ENO4: variants seen among roughly 807,000 people sequenced by gnomAD.
The protein encoded by ENO4 is enolase 4.
ENO4 carries 53 observed loss-of-function variants against 63.2 expected under a neutral mutation model. That is an observed-to-expected ratio of 0.84 (90% CI 0.67 to 1.05). The LOEUF (loss-of-function observed/expected upper bound fraction) is 1.05, where lower values mean the gene tolerates loss of function less well. Among genes scored for constraint, ENO4 ranks in the 50% least tolerant of loss-of-function variants. The pLI is 0.00. For missense variants in ENO4, 719 were observed against 772.0 expected (o/e 0.93, Z 0.81); for synonymous variants, 266 against 283.8 (o/e 0.94, Z 0.63).
chr10:116,878,797 G>C (rs895324343), intron 11 of ENO4, among the ~76,000 whole-genome samples: 2 of 142,054 alleles, frequency 1.4e-5, no homozygotes, highest in Admixed American at 1.5e-4. Flanking sequence ...GAGCTGGAGT[G>C]CAGTGGCGCG....
intron 10 of ENO4, among the ~76,000 whole-genome samples, chr10:116,898,374 A>G (rs1847596736): frequency 6.6e-6 from 1 of 151,882 alleles, no homozygotes; most frequent in South Asian, 2.1e-4. Flanking sequence ...TTTGATACCC[A>G]CCCACTGATT....
At chr10:116,870,399 T>C (rs1460582939) in intron 8 of ENO4, among the ~76,000 whole-genome samples, 1 of 152,166 alleles carries the variant, frequency 6.6e-6, no homozygotes, top group Non-Finnish European at 1.5e-5. Flanking sequence ...GGCCAACACC[T>C]GTAATCACAG....
rs1221161240 is a variant in ENO4 at position 116,874,099 on chromosome 10, C to T, written c.1239C>T (p.Ile413=). 6.5e-7 allele frequency: 1 copy of T among 1,549,186 alleles called. No homozygotes were observed. The highest frequency in any genetic ancestry group is 1.2e-5 in the South Asian group (1 of 83,892). The change falls in exon 10 of 14, where the codon ATC becomes ATT. Residue 413 remains isoleucine, a synonymous_variant. Coordinates refer to ENST00000341276, the MANE Select transcript of ENO4 (RefSeq NM_001242699.2). ...AGAATAAAGGAAAGTATGAAGTGAT[C>T]ATGGGCACATACAAAAATGCAGCGG... is the stretch of plus-strand genomic sequence containing the variant. ...MDYNKGKYEV[I]MGTYKNAAEM...
intron 3 of ENO4, among the ~76,000 whole-genome samples, chr10:116,857,557 T>A (rs765786885): frequency 6.6e-6 from 1 of 152,240 alleles, no homozygotes; most frequent in Non-Finnish European, 1.5e-5. Context: ...AATTGGATTC[T>A]CTTTTCTTAA....
chr10:116,855,600 T>C (rs1465699578), intron 1 of ENO4, 23 bp from the exon 2 acceptor site: 1 of 1,535,964 alleles, frequency 6.5e-7, no homozygotes, highest in Non-Finnish European at 8.7e-7. Context: ...CAGATGATTT[T>C]TGTTCTTTTG....
intron 10 of ENO4, among the ~76,000 whole-genome samples, chr10:116,898,317 C>T (rs1216676248): frequency 6.7e-6 from 1 of 150,274 alleles, no homozygotes; most frequent in African/African-American, 2.4e-5. Flanking sequence ...GACAGCAAGA[C>T]TACATCTAAA....
Position 116,879,942 on chromosome 10 carries a change from G to T in ENO4, c.1679G>T (p.Arg560Leu). 6.4e-7 allele frequency: 1 copy of T among 1,550,732 alleles called. No individual in the cohort carries two copies. The highest frequency in any genetic ancestry group is 8.7e-7 in the Non-Finnish European group (1 of 1,146,982). ...SRGERVTKYN[R>L]LLTIEEELVQ... ...GGTGAACGAGTGACTAAATACAACC[G>T]CCTTCTCACTATAGAGGAAGAACTT... Residue 560 changes from arginine (R) to leucine (L), a missense_variant, in exon 13 of 14, where the codon CGC becomes CTC. Arg to Leu is a moderately radical substitution (Grantham distance 102, BLOSUM62 -2). Around this residue, in one of 3 missense-constraint regions of ENO4, gnomAD observed 168 missense variants for 163.3 expected, o/e 1.03. Coordinates refer to ENST00000341276, the MANE Select transcript of ENO4 (RefSeq NM_001242699.2).
intron 1 of ENO4, among the ~76,000 whole-genome samples, chr10:116,850,449 C>T (rs1431652932): frequency 3.9e-5 from 6 of 152,060 alleles, no homozygotes; most frequent in East Asian, 1.9e-4. Flanking sequence ...TGGCACATAC[C>T]TTAGCGTTAA....
intron 10 of ENO4, among the ~76,000 whole-genome samples, chr10:116,887,973 C>T (rs1847217828): frequency 6.6e-6 from 1 of 152,170 alleles, no homozygotes; most frequent in Admixed American, 6.5e-5. Flanking sequence ...AACCCAAAGA[C>T]CACACTGCTT....
intron 1 of ENO4, 27 bp downstream of exon 1, chr10:116,849,758 TC>T: frequency 6.8e-7 from 1 of 1,476,330 alleles, no homozygotes; most frequent in Non-Finnish European, 9.0e-7. Context: ...AGCGCTCTCC[TC>T]CCGCCAACCC....
intron 4 of ENO4, 52 bp downstream of exon 4, chr10:116,859,190 G>A: frequency 1.4e-6 from 2 of 1,465,210 alleles, no homozygotes; most frequent in Non-Finnish European, 1.8e-6. Context: ...GTGTGAGGAA[G>A]AAAGGCTGAA....
intron 10 of ENO4, chr10:116,901,542 A>G (rs891449327): frequency 1.0e-6 from 1 of 985,266 alleles, no homozygotes; most frequent in African/African-American, 1.7e-5. Flanking sequence ...AAACCAGTTT[A>G]GGGGAAGTAA....
Position 116,881,723 on chromosome 10 carries a change from G to A in ENO4, c.*54G>A. Reference sequence around the variant, plus strand: ...ACCATCAGTATTAGTAGACCGGGAGGTCTGAAGTACGGCGCCGTGTCTCCA... The same window carrying A: ...ACCATCAGTATTAGTAGACCGGGAGATCTGAAGTACGGCGCCGTGTCTCCA... On this transcript the variant is annotated 3_prime_UTR_variant, in exon 14 of 14. Transcript: ENST00000341276. The A allele has an allele frequency of 1.5e-6, 2 of 1,326,762 alleles. No homozygotes were observed. Among genetic ancestry groups the A allele is most frequent in the Non-Finnish European group, 9.8e-7 (1 of 1,025,098 alleles). The allele number at this position is 1,326,762 out of a possible 1,614,324, so 82.2% of individuals were successfully genotyped here.
chr10:116,868,841 CCA>C (rs1043467447), intron 8 of ENO4, 135 bp downstream of exon 8: 52 of 753,690 alleles, frequency 6.9e-5, no homozygotes, highest in East Asian at 5.9e-4. Context: ...TGATATTGCT[CCA>C]GACACCCCCA....
intron 10 of ENO4, chr10:116,901,359 GTT>G: frequency 2.0e-6 from 2 of 985,046 alleles, no homozygotes; most frequent in Non-Finnish European, 2.4e-6. Flanking sequence ...AGAAAAGAAG[GTT>G]GTAAAAACGT....
At chr10:116,898,220 CG>C (rs1408655488) in intron 10 of ENO4, among the ~76,000 whole-genome samples, 25 of 151,826 alleles carry the variant, frequency 1.6e-4, no homozygotes, top group African/African-American at 5.8e-4. Flanking sequence ...CACAGCTACT[CG>C]GGAGGCTGAG....
intron 10 of ENO4, among the ~76,000 whole-genome samples, chr10:116,908,774 G>A (rs986027242): frequency 6.6e-6 from 1 of 152,168 alleles, no homozygotes; most frequent in African/African-American, 2.4e-5. Flanking sequence ...TTTGGATAAT[G>A]GCATTATTTC....
chr10:116,900,950 T>C (rs1341643568), intron 10 of ENO4: 1 of 985,338 alleles, frequency 1.0e-6, no homozygotes, highest in Non-Finnish European at 1.2e-6. Context: ...CCAACTTCAT[T>C]TGTCCAGGTT....
At chr10:116,911,763 A>T (rs200983418) in exon 11 of ENO4, 51 of 1,598,422 alleles carry the variant, frequency 3.2e-5, no homozygotes, top group Non-Finnish European at 4.1e-5. Context: ...CCCATTAGCT[A>T]AACAATAAAC....
Sources: allele counts gnomAD v4.1 joint callset (sites outside exome capture counted in the v4.1 genomes callset), GRCh38; gene constraint gnomAD v4.1.1; regional missense constraint gnomAD v4.1.1; transcripts MANE v1.5; gene names NCBI Gene and HGNC (gene_info 2026-07-23, HGNC 2026-07-21).